The following CCDC63 variants were observed in gnomAD, a reference collection of about 807,000 sequenced individuals.
CCDC63 encodes coiled-coil domain-containing protein 63.
Under a neutral mutation model 63.6 loss-of-function variants are expected in CCDC63, and 54 were observed. The ratio of observed to expected loss-of-function variants is 0.85; its 90% CI spans 0.68 to 1.07. The LOEUF is 1.07. Among genes scored for constraint, CCDC63 ranks in the 50% least tolerant of loss-of-function variants. The pLI is 0.00. For missense variants in CCDC63, 637 were observed against 689.6 expected (o/e 0.92, Z 0.86); for synonymous variants, 253 against 266.1 (o/e 0.95, Z 0.48).
At chr12:110,880,824 A>ATGATAG (rs1160719916) in intron 6 of CCDC63, among the ~76,000 whole-genome samples, 1 of 59,390 alleles carries the variant, frequency 1.7e-5, no homozygotes, top group Non-Finnish European at 3.6e-5. Context: ...GATGGTAGTG[A>ATGATAG]TGGTGATAAT....
At chr12:110,871,461 T>C (rs1009877653) in intron 4 of CCDC63, among the ~76,000 whole-genome samples, 4 of 151,834 alleles carry the variant, frequency 2.6e-5, no homozygotes, top group Non-Finnish European at 5.9e-5. Flanking sequence ...TTCTTAAACT[T>C]ATCACTCCCA....
At chr12:110,906,948 G>GTAATCTA (rs978945392) in intron 11 of CCDC63, among the ~76,000 whole-genome samples, 6 of 152,170 alleles carry the variant, frequency 3.9e-5, no homozygotes, top group Non-Finnish European at 7.3e-5. Context: ...AATTAGAAGG[G>GTAATCTA]CCACTTCTGG....
chr12:110,893,060 G>C lies in CCDC63; in HGVS notation c.1075-16G>C. 6.2e-7 allele frequency: 1 copy of C among 1,612,954 alleles called. No individual in the cohort carries two copies. Among genetic ancestry groups the C allele is most frequent in the Non-Finnish European group, 8.5e-7 (1 of 1,179,136 alleles). ...AGAGCCCACTTTTCCTCATGGTCTTGTTCTCTCCCGAGCAGGACGAGATCA... is the reference window on the plus strand; with the variant it reads ...AGAGCCCACTTTTCCTCATGGTCTTCTTCTCTCCCGAGCAGGACGAGATCA... On this transcript the variant is annotated splice_polypyrimidine_tract_variant and intron_variant, in intron 8 of 11. Coordinates refer to ENST00000308208, the MANE Select transcript of CCDC63 (RefSeq NM_152591.3).
intron 4 of CCDC63, among the ~76,000 whole-genome samples, chr12:110,868,694 A>C (rs1036689665): frequency 3.7e-5 from 5 of 134,410 alleles, no homozygotes; most frequent in African/African-American, 5.4e-5. Flanking sequence ...TCGGCTCCGC[A>C]TGAGAGGGAG....
rs778259928 is a variant in CCDC63, at chr12:110,884,097, C to G, written c.921C>G (p.His307Gln). Residue 307 changes from histidine to glutamine, a missense_variant, in exon 8 of 12, where the codon CAC (histidine) becomes CAG (glutamine). Transcript: ENST00000308208. ...GESFESYEVA[H>Q]LRLLKLAESG... ...GTTTTGAGAGCTATGAGGTGGCCCA[C>G]CTCCGGCTGCTGAAGCTGGCTGAGA... 6.2e-7 allele frequency: 1 copy of G among 1,614,016 alleles called. No homozygotes were observed. Among genetic ancestry groups the G allele is most frequent in the African/African-American group, 1.3e-5 (1 of 74,922 alleles).
At chr12:110,861,222 C>T (rs2070849444) in intron 4 of CCDC63, among the ~76,000 whole-genome samples, 1 of 152,200 alleles carries the variant, frequency 6.6e-6, no homozygotes, top group Admixed American at 6.5e-5. Flanking sequence ...GATTACCATT[C>T]AACATGAGAT....
chr12:110,887,884 C>T (rs550398881), intron 8 of CCDC63, among the ~76,000 whole-genome samples: 19 of 152,170 alleles, frequency 1.2e-4, no homozygotes, highest in African/African-American at 2.2e-4. Flanking sequence ...CGTGAGCCAC[C>T]GCGCCCGGCC....
intron 10 of CCDC63, among the ~76,000 whole-genome samples, chr12:110,899,707 A>T (rs113804731): frequency 0.015 from 2,187 of 144,914 alleles, 47 homozygotes; most frequent in African/African-American, 0.055. Context: ...TTTTTTTTTT[A>T]AATTGGTGTG....
chr12:110,885,806 C>T (rs557056624), intron 8 of CCDC63, among the ~76,000 whole-genome samples: 98 of 152,302 alleles, frequency 6.4e-4, no homozygotes, highest in Non-Finnish European at 1.3e-3. Flanking sequence ...GGGGCATGCA[C>T]GCTGGCCATG....
chr12:110,881,764 T>C (rs903982911), intron 7 of CCDC63, among the ~76,000 whole-genome samples: 1 of 152,076 alleles, frequency 6.6e-6, no homozygotes, highest in Non-Finnish European at 1.5e-5. Context: ...AAACAATAAA[T>C]AAATGTTTAG....
intron 5 of CCDC63, among the ~76,000 whole-genome samples, chr12:110,875,234 G>A (rs2071115555): frequency 1.3e-5 from 2 of 152,136 alleles, no homozygotes. Context: ...CAGATTTTTG[G>A]ATTTCCTCCA....
intron 3 of CCDC63, among the ~76,000 whole-genome samples, chr12:110,856,540 A>G (rs183526907): frequency 2.6e-5 from 4 of 152,304 alleles, no homozygotes; most frequent in African/African-American, 9.6e-5. Flanking sequence ...TCACTGGCCA[A>G]ATGTGGCTAT....
At chr12:110,906,109 C>T (rs1179117563) in intron 11 of CCDC63, among the ~76,000 whole-genome samples, 1 of 109,752 alleles carries the variant, frequency 9.1e-6, no homozygotes, top group South Asian at 2.6e-4. Context: ...GGTGATTTAC[C>T]CTTTATGGGA....
intron 7 of CCDC63, among the ~76,000 whole-genome samples, chr12:110,882,016 T>G (rs2071215350): frequency 6.6e-6 from 1 of 152,180 alleles, no homozygotes; most frequent in Admixed American, 6.6e-5. Flanking sequence ...GGTTTGATGA[T>G]TCACTAGCAT....
chr12:110,852,924 CTG>C lies in CCDC63; in HGVS notation c.-30_-29del, dbSNP rs767724606. The C allele has an allele frequency of 1.2e-6, 2 of 1,614,122 alleles. No individual in the cohort carries two copies. Among genetic ancestry groups the C allele is most frequent in the South Asian group, 2.2e-5 (2 of 91,066 alleles). ...GCTTTGAGCTCTCTGGGTACAGTGT[CTG>C]AGTGGAGGCAAAGTGCGGTTCCTTC... On this transcript the variant is annotated 5_prime_UTR_variant, in exon 2 of 12. Coordinates refer to ENST00000308208, the MANE Select transcript of CCDC63 (RefSeq NM_152591.3).
chr12:110,874,090 A>G, intron 5 of CCDC63, 129 bp downstream of exon 5: 1 of 1,224,956 alleles, frequency 8.2e-7, no homozygotes, highest in Non-Finnish European at 1.1e-6. Flanking sequence ...AGGTGAACTA[A>G]TGGCCACACA....
At chr12:110,883,708 T>C (rs7316287) in intron 7 of CCDC63, among the ~76,000 whole-genome samples, 45,141 of 152,020 alleles carry the variant, frequency 0.3, 6,960 homozygotes, top group African/African-American at 0.38. Context: ...GGCGCAAACT[T>C]GGCTCACTGC....
At chr12:110,906,428 T>TA (rs1398396839) in intron 11 of CCDC63, among the ~76,000 whole-genome samples, 2 of 151,716 alleles carry the variant, frequency 1.3e-5, no homozygotes, top group Non-Finnish European at 2.9e-5. Flanking sequence ...AGCCACCTGT[T>TA]ACAGTGGATA....
At chr12:110,861,212 G>T (rs1197591822) in intron 4 of CCDC63, among the ~76,000 whole-genome samples, 1 of 152,112 alleles carries the variant, frequency 6.6e-6, no homozygotes, top group Admixed American at 6.6e-5. Flanking sequence ...CAACACTGAG[G>T]ATTACCATTC....
Sources: gnomAD v4.1 joint callset for allele counts (sites outside exome capture counted in the v4.1 genomes callset) on GRCh38, gnomAD v4.1.1 for gene constraint, MANE v1.5 for transcripts, NCBI Gene and HGNC (gene_info 2026-07-23, HGNC 2026-07-21) for gene names.